Variants in ZDHHC14 observed in about 807,000 individuals in gnomAD.
ZDHHC14 encodes the protein palmitoyltransferase ZDHHC14.
In ZDHHC14, 16 loss-of-function variants were observed where a neutral mutation model predicts 47.7. The observed-to-expected ratio is 0.34, with a 90% confidence interval of 0.23 to 0.51. ZDHHC14 has a LOEUF of 0.51. ZDHHC14 is among the 20% of genes least tolerant of loss of function. The pLI is 0.97. For missense variants in ZDHHC14, 515 were observed against 662.5 expected (o/e 0.78, Z 2.44); for synonymous variants, 293 against 278.9 (o/e 1.05, Z -0.50).
At chr6:157,579,495 C>G (rs1317029444) in intron 2 of ZDHHC14, among the ~76,000 whole-genome samples, 4 of 152,102 alleles carry the variant, frequency 2.6e-5, no homozygotes, top group Admixed American at 1.3e-4. Flanking sequence ...CCATGCCCAG[C>G]CAATATTTAT....
intron 1 of ZDHHC14, among the ~76,000 whole-genome samples, chr6:157,455,714 A>C (rs998648755): frequency 6.6e-6 from 1 of 151,120 alleles, no homozygotes; most frequent in Non-Finnish European, 1.5e-5. Context: ...AATTTTCTTC[A>C]TGAGGAACAG....
At chr6:157,596,678 C>G (rs145188039) in intron 3 of ZDHHC14, among the ~76,000 whole-genome samples, 2 of 152,106 alleles carry the variant, frequency 1.3e-5, no homozygotes, top group Admixed American at 6.5e-5. Flanking sequence ...TGTCTGAACG[C>G]TCCCAGCTGT....
chr6:157,418,140 C>T (rs1248051951), intron 1 of ZDHHC14, among the ~76,000 whole-genome samples: 8 of 152,028 alleles, frequency 5.3e-5, no homozygotes, highest in South Asian at 2.1e-4. Flanking sequence ...AAGGTGAGGC[C>T]GTGGCTTCCC....
intron 3 of ZDHHC14, among the ~76,000 whole-genome samples, chr6:157,625,791 G>T (rs908256905): frequency 6.6e-6 from 1 of 151,830 alleles, no homozygotes; most frequent in African/African-American, 2.4e-5. Context: ...TAGATTTTTA[G>T]TGGGATTCCT....
intron 1 of ZDHHC14, among the ~76,000 whole-genome samples, chr6:157,394,832 G>C (rs974959785): frequency 6.6e-6 from 1 of 152,110 alleles, no homozygotes; most frequent in African/African-American, 2.4e-5. Flanking sequence ...GTTGGGACTG[G>C]TTTGGGGCAT....
rs1777707097 is a variant in ZDHHC14, at chr6:157,404,612, G to C, written c.245+22346G>C. On this transcript the variant is annotated intron_variant, in intron 1 of 8. Transcript: ENST00000359775. ...GTCTCTCTAAAGTGCCCATTTGAGG[G>C]GATAAAAATAGCTGTTGACCGTTTC... Among the ~76,000 whole-genome samples, 3 of 152,108 alleles carry C rather than the reference G, an allele frequency of 2.0e-5. 1 individual carries two copies. The highest frequency in any genetic ancestry group is 4.4e-5 in the Non-Finnish European group (3 of 68,022).
chr6:157,456,120 CGGA>C (rs1349173235), intron 1 of ZDHHC14, among the ~76,000 whole-genome samples: 1 of 152,134 alleles, frequency 6.6e-6, no homozygotes, highest in Non-Finnish European at 1.5e-5. Context: ...CTTCTACTCC[CGGA>C]GGAGGCCTGC....
intron 1 of ZDHHC14, among the ~76,000 whole-genome samples, chr6:157,436,983 C>T (rs578065562): frequency 1.6e-3 from 239 of 152,018 alleles, no homozygotes; most frequent in African/African-American, 5.4e-3. Context: ...CCTTCATCCA[C>T]GGGGCAAGGG....
In ZDHHC14 at chr6:157,611,788, T is replaced by C. The variant is rs756752258; in HGVS notation, c.566-16561T>C. Among the ~76,000 whole-genome samples, 8 of 152,234 alleles carry C rather than the reference T, an allele frequency of 5.3e-5. No individual in the cohort carries two copies. In the South Asian group the frequency reaches 6.2e-4, roughly 12 times the overall value. On this transcript the variant is annotated intron_variant, in intron 3 of 8. Coordinates refer to ENST00000359775, the MANE Select transcript of ZDHHC14 (RefSeq NM_024630.3). ...GAAAGTCTGTCTCTGTTCATCTGAC[T>C]TTCCCTGTTTGTGCATCTTTTTGAC... is the stretch of plus-strand genomic sequence containing the variant.
intron 1 of ZDHHC14, among the ~76,000 whole-genome samples, chr6:157,391,087 T>C (rs578015825): frequency 2.6e-4 from 39 of 152,382 alleles, no homozygotes; most frequent in African/African-American, 9.1e-4. Context: ...TTTTTATCAC[T>C]GGCTTCAAAT....
At chr6:157,641,648 C>T (rs1231336412) in intron 5 of ZDHHC14, among the ~76,000 whole-genome samples, 1 of 152,120 alleles carries the variant, frequency 6.6e-6, no homozygotes, top group Non-Finnish European at 1.5e-5. Context: ...CCAACATTTA[C>T]CTTTTAACTT....
chr6:157,637,815 T>G (rs1304780566), intron 5 of ZDHHC14, among the ~76,000 whole-genome samples: 4 of 152,178 alleles, frequency 2.6e-5, no homozygotes, highest in Non-Finnish European at 4.4e-5. Flanking sequence ...CACAGCAGAT[T>G]TACTCTGCAA....
chr6:157,572,203 G>A (rs886331857), intron 2 of ZDHHC14, among the ~76,000 whole-genome samples: 2 of 152,044 alleles, frequency 1.3e-5, no homozygotes, highest in African/African-American at 4.8e-5. Flanking sequence ...CCTGCACATT[G>A]TAGGACATTT....
intron 1 of ZDHHC14, among the ~76,000 whole-genome samples, chr6:157,475,472 T>C (rs762594526): frequency 2.6e-5 from 4 of 152,328 alleles, no homozygotes; most frequent in Non-Finnish European, 5.9e-5. Flanking sequence ...ATTTTAACAA[T>C]ATTAATTCTT....
chr6:157,671,398 C>T (rs1455876135), intron 8 of ZDHHC14, among the ~76,000 whole-genome samples: 1 of 152,158 alleles, frequency 6.6e-6, no homozygotes, highest in Non-Finnish European at 1.5e-5. Flanking sequence ...GGAGCAGCCA[C>T]TTTATAGCTT....
chr6:157,575,062 G>A (rs1334507667), intron 2 of ZDHHC14, among the ~76,000 whole-genome samples: 1 of 152,200 alleles, frequency 6.6e-6, no homozygotes, highest in Non-Finnish European at 1.5e-5. Flanking sequence ...CAGCAGGCTG[G>A]AAAGTCAGGT....
chr6:157,500,276 C>T (rs979754676), intron 1 of ZDHHC14, among the ~76,000 whole-genome samples: 1 of 152,120 alleles, frequency 6.6e-6, no homozygotes, highest in African/African-American at 2.4e-5. Flanking sequence ...AGATCAACGT[C>T]ACTGGAGTGC....
At chr6:157,483,494 T>G (rs1779682894) in intron 1 of ZDHHC14, among the ~76,000 whole-genome samples, 1 of 152,200 alleles carries the variant, frequency 6.6e-6, no homozygotes, top group African/African-American at 2.4e-5. Flanking sequence ...GTGCTTTCTT[T>G]TACATAAAAT....
intron 2 of ZDHHC14, among the ~76,000 whole-genome samples, chr6:157,583,734 T>G (rs373186924): frequency 6.6e-6 from 1 of 152,244 alleles, no homozygotes; most frequent in Admixed American, 6.5e-5. Context: ...AGATCTCGGC[T>G]TGGCACTCCC....
Sources: allele counts gnomAD v4.1 joint callset (sites outside exome capture counted in the v4.1 genomes callset), GRCh38; gene constraint gnomAD v4.1.1; transcripts MANE v1.5; gene names NCBI Gene and HGNC (gene_info 2026-07-23, HGNC 2026-07-21).